Variants in HS6ST3 observed in about 807,000 individuals in gnomAD.
The protein encoded by HS6ST3 is heparan sulfate 6-O-sulfotransferase 3, also known as heparan-sulfate 6-O-sulfotransferase 3.
Under a neutral mutation model 36.7 loss-of-function variants are expected in HS6ST3, and 12 were observed. That is an observed-to-expected ratio of 0.33 (90% confidence interval 0.21 to 0.53). HS6ST3 has a LOEUF of 0.53. HS6ST3 is among the 20% of genes least tolerant of loss of function. HS6ST3 has a pLI of 0.95. For synonymous variants in HS6ST3, 240 were observed against 257.5 expected, an observed-to-expected ratio of 0.93 and a Z score of 0.65; for missense variants, 584 against 640.9, an observed-to-expected ratio of 0.91 and a Z score of 0.96.
chr13:96,345,708 CTG>C (rs2139428274), intron 1 of HS6ST3, among the ~76,000 whole-genome samples: 1 of 152,234 alleles, frequency 6.6e-6, no homozygotes, highest in Admixed American at 6.5e-5. Flanking sequence ...TGAGATGAAA[CTG>C]TTCTACCTCA....
chr13:96,464,837 AG>A (rs1276470407), intron 1 of HS6ST3, among the ~76,000 whole-genome samples: 1 of 152,172 alleles, frequency 6.6e-6, no homozygotes, highest in Admixed American at 6.5e-5. Flanking sequence ...TAGATTATAA[AG>A]GCAGGGTAGC....
At position 96,414,915 on chromosome 13, in the gene HS6ST3, C is replaced by G. The variant is rs559605456; in HGVS notation, c.707+323346C>G. 2.1e-4 allele frequency among the ~76,000 whole-genome samples: 32 copies of G among 152,186 alleles called. 1 individual carries two copies. Among genetic ancestry groups the G allele is most frequent in the African/African-American group, 7.2e-4 (30 of 41,516 alleles). On this transcript the variant is annotated intron_variant, in intron 1 of 1. Transcript: ENST00000376705. ...GCATATTTTATAAGAAAGGATGGAGCCTTTCTCAGAATTCTTGATATTCGT... is the reference window on the plus strand; with the variant it reads ...GCATATTTTATAAGAAAGGATGGAGGCTTTCTCAGAATTCTTGATATTCGT...
At chr13:96,225,087 C>G (rs918116523) in intron 1 of HS6ST3, among the ~76,000 whole-genome samples, 2 of 152,112 alleles carry the variant, frequency 1.3e-5, no homozygotes, top group Non-Finnish European at 2.9e-5. Flanking sequence ...CTTCAAGCAT[C>G]GTAAGTATTT....
intron 1 of HS6ST3, among the ~76,000 whole-genome samples, chr13:96,761,334 T>C (rs1876966556): frequency 6.6e-6 from 1 of 152,128 alleles, no homozygotes. Context: ...ATTCCTCTTT[T>C]TTGATTTGTA....
rs969938513 is a variant in HS6ST3 at position 96,784,922 on chromosome 13, C to G, written c.708-47568C>G. 6.5e-4 allele frequency among the ~76,000 whole-genome samples: 99 copies of G among 152,292 alleles called. 2 individuals carry two copies. Among genetic ancestry groups the G allele is most frequent in the African/African-American group, 2.3e-3 (96 of 41,558 alleles). On this transcript the variant is annotated intron_variant, in intron 1 of 1. Transcript: ENST00000376705. ...GTGGCTCACTCCTGCGATCCCAGCACTTTGGAAGGCCAAGGCAGGCAGATC... is the reference window on the plus strand; with the variant it reads ...GTGGCTCACTCCTGCGATCCCAGCAGTTTGGAAGGCCAAGGCAGGCAGATC...
intron 1 of HS6ST3, among the ~76,000 whole-genome samples, chr13:96,269,120 C>A (rs2054707088): frequency 6.6e-6 from 1 of 151,932 alleles, no homozygotes; most frequent in African/African-American, 2.4e-5. Flanking sequence ...GCTCAGAACT[C>A]ATTGAGTGGT....
intron 1 of HS6ST3, among the ~76,000 whole-genome samples, chr13:96,242,750 T>C (rs1478557273): frequency 6.6e-6 from 1 of 152,168 alleles, no homozygotes; most frequent in Non-Finnish European, 1.5e-5. Flanking sequence ...ACAGCTACAA[T>C]GGAAAGCAGT....
chr13:96,383,250 G>A (rs1480521451), intron 1 of HS6ST3, among the ~76,000 whole-genome samples: 3 of 152,124 alleles, frequency 2.0e-5, no homozygotes, highest in East Asian at 1.9e-4. Flanking sequence ...TCAGGAGTTC[G>A]AGACCAGCCT....
intron 1 of HS6ST3, among the ~76,000 whole-genome samples, chr13:96,682,853 T>C (rs1470370070): frequency 6.6e-6 from 1 of 152,154 alleles, no homozygotes; most frequent in Non-Finnish European, 1.5e-5. Flanking sequence ...TAGCATCTTA[T>C]TAGTGTCACC....
intron 1 of HS6ST3, among the ~76,000 whole-genome samples, chr13:96,225,665 A>G (rs1001357239): frequency 9.8e-5 from 15 of 152,360 alleles, no homozygotes; most frequent in African/African-American, 3.6e-4. Context: ...ATTTTAATAA[A>G]TGATACATTT....
intron 1 of HS6ST3, among the ~76,000 whole-genome samples, chr13:96,562,599 A>G (rs2056266243): frequency 6.6e-6 from 1 of 152,150 alleles, no homozygotes; most frequent in African/African-American, 2.4e-5. Flanking sequence ...CCTTTATCAC[A>G]TTGCTCTTGA....
At chr13:96,123,305 G>A (rs1249731706) in intron 1 of HS6ST3, among the ~76,000 whole-genome samples, 1 of 152,152 alleles carries the variant, frequency 6.6e-6, no homozygotes, top group Non-Finnish European at 1.5e-5. Flanking sequence ...GAAGAATGGA[G>A]TATTCTTAAA....
intron 1 of HS6ST3, among the ~76,000 whole-genome samples, chr13:96,792,467 T>A (rs1379801376): frequency 3.3e-5 from 5 of 151,904 alleles, no homozygotes; most frequent in Non-Finnish European, 5.9e-5. Context: ...CCCTTGGAAA[T>A]TGCTGATCTC....
chr13:96,117,828 A>C (rs922972972), intron 1 of HS6ST3, among the ~76,000 whole-genome samples: 19 of 151,998 alleles, frequency 1.3e-4, no homozygotes, highest in African/African-American at 4.4e-4. Flanking sequence ...CCTGCCCCCA[A>C]ATTTATGGTT....
At chr13:96,417,082 G>A (rs1027748813) in intron 1 of HS6ST3, among the ~76,000 whole-genome samples, 4 of 152,114 alleles carry the variant, frequency 2.6e-5, no homozygotes, top group African/African-American at 4.8e-5. Flanking sequence ...GCCAGCACAC[G>A]TTCAGAAATT....
chr13:96,404,293 G>A (rs2055466322), intron 1 of HS6ST3, among the ~76,000 whole-genome samples: 1 of 152,118 alleles, frequency 6.6e-6, no homozygotes, highest in Non-Finnish European at 1.5e-5. Flanking sequence ...TGCCTTATAT[G>A]CCCGTAGGAC....
chr13:96,191,049 A>G (rs2054286291), intron 1 of HS6ST3, among the ~76,000 whole-genome samples: 1 of 152,192 alleles, frequency 6.6e-6, no homozygotes, highest in Non-Finnish European at 1.5e-5. Flanking sequence ...AAGCCTGGTC[A>G]TCATTCTTGG....
chr13:96,696,062 A>G (rs1017753649), intron 1 of HS6ST3, among the ~76,000 whole-genome samples: 1 of 152,202 alleles, frequency 6.6e-6, no homozygotes, highest in Non-Finnish European at 1.5e-5. Context: ...AGATGTATCA[A>G]TGAGGGTCCT....
At chr13:96,314,329 C>T (rs1382462902) in intron 1 of HS6ST3, among the ~76,000 whole-genome samples, 2 of 152,206 alleles carry the variant, frequency 1.3e-5, no homozygotes. Flanking sequence ...AAGATACTCA[C>T]ACACATAAGG....
Sources: gnomAD v4.1 joint callset for allele counts (sites outside exome capture counted in the v4.1 genomes callset) on GRCh38, gnomAD v4.1.1 for gene constraint, MANE v1.5 for transcripts, NCBI Gene and HGNC (gene_info 2026-07-23, HGNC 2026-07-21) for gene names.